FHIT: variants seen among roughly 807,000 people sequenced by gnomAD.
FHIT encodes the protein fragile histidine triad diadenosine triphosphatase.
Under a neutral mutation model 17.9 loss-of-function variants are expected in FHIT, and 19 were observed. That is an observed-to-expected ratio of 1.06 (90% CI 0.74 to 1.56). The LOEUF is 1.56. Ranked by LOEUF, FHIT falls within the 40% of genes most tolerant of loss-of-function variation. The probability of loss-of-function intolerance (pLI) is 0.00; values close to 1 mark genes in which losing one functional copy is unlikely to be tolerated. For missense variants in FHIT, 248 were observed against 189.2 expected, an observed-to-expected ratio of 1.31 and a Z score of -1.82; for synonymous variants, 81 against 69.7, an observed-to-expected ratio of 1.16 and a Z score of -0.81.
rs563602383 is a variant in FHIT at position 60,647,321 on chromosome 3, G to A, written c.-17-110342C>T. On this transcript the variant is annotated intron_variant, in intron 4 of 9. Transcript: ENST00000492590. The stretch of plus-strand genomic sequence containing the variant: ...AAAGTAACACAGAAAGTCATAATGG[G>A]GTGAGAGATTAGACTTTTCTCCAAA... Among the ~76,000 whole-genome samples the A allele has an allele frequency of 5.3e-5, 8 of 152,264 alleles. No homozygotes were observed. In the South Asian group the frequency reaches 1.7e-3, roughly 32 times the overall value.
At chr3:60,630,211 T>C (rs1367812433) in intron 4 of FHIT, among the ~76,000 whole-genome samples, 2 of 152,238 alleles carry the variant, frequency 1.3e-5, no homozygotes, top group African/African-American at 4.8e-5. Flanking sequence ...AAGTGTGTAC[T>C]CTGGTATCAT....
Position 60,780,364 on chromosome 3 carries a change from T to C in FHIT, c.-18+41555A>G, listed in dbSNP as rs1222022602. Among the ~76,000 whole-genome samples the C allele has an allele frequency of 2.6e-5, 4 of 152,288 alleles. No individual in the cohort carries two copies. In the South Asian group the frequency reaches 6.2e-4, roughly 24 times the overall value. On this transcript the variant is annotated intron_variant, in intron 4 of 9. Transcript: ENST00000492590. Reference sequence around the variant, plus strand: ...AAACCTTAAACTGGTTAGCTTAGGATTGGGCTCAGGGGAAGGGGACCCAGA... The same window carrying C: ...AAACCTTAAACTGGTTAGCTTAGGACTGGGCTCAGGGGAAGGGGACCCAGA...
At chr3:60,557,584 T>C (rs953585507) in intron 4 of FHIT, among the ~76,000 whole-genome samples, 1 of 151,792 alleles carries the variant, frequency 6.6e-6, no homozygotes, top group Non-Finnish European at 1.5e-5. Context: ...ACCCAGGCTC[T>C]CCTTAGCTCT....
intron 4 of FHIT, among the ~76,000 whole-genome samples, chr3:60,647,924 A>G (rs1446902441): frequency 6.6e-6 from 1 of 152,246 alleles, no homozygotes; most frequent in Non-Finnish European, 1.5e-5. Context: ...AATCAATGCA[A>G]TAATAGTGAC....
At chr3:61,054,508 T>C (rs1341333746) in intron 2 of FHIT, among the ~76,000 whole-genome samples, 1 of 152,224 alleles carries the variant, frequency 6.6e-6, no homozygotes, top group African/African-American at 2.4e-5. Context: ...TGATTCTTTA[T>C]ACACAGTAAC....
intron 7 of FHIT, among the ~76,000 whole-genome samples, chr3:59,940,759 C>T (rs192948106): frequency 5.3e-4 from 81 of 152,240 alleles, no homozygotes; most frequent in African/African-American, 1.9e-3. Flanking sequence ...CTTCAAAGGG[C>T]TTCTGAGAGG....
intron 5 of FHIT, among the ~76,000 whole-genome samples, chr3:60,454,384 CT>C (rs111674048): frequency 2.0e-3 from 294 of 144,028 alleles, no homozygotes; most frequent in East Asian, 2.6e-3. Context: ...TTTAACCAAA[CT>C]TTTTTTTTTT....
chr3:61,113,412 T>C (rs762557063), intron 2 of FHIT, among the ~76,000 whole-genome samples: 38 of 152,290 alleles, frequency 2.5e-4, no homozygotes, highest in Non-Finnish European at 4.7e-4. Flanking sequence ...AAAATCCAAA[T>C]ACTGACAAAA....
intron 3 of FHIT, among the ~76,000 whole-genome samples, chr3:61,031,670 A>G (rs115367258): frequency 0.036 from 5,483 of 152,300 alleles, 141 homozygotes; most frequent in Middle Eastern, 0.065. Flanking sequence ...GAATGTTGTT[A>G]TCTTGTAGGT....
At chr3:60,069,769 C>A (rs1423842599) in intron 5 of FHIT, among the ~76,000 whole-genome samples, 1 of 152,180 alleles carries the variant, frequency 6.6e-6, no homozygotes, top group Admixed American at 6.5e-5. Context: ...GAAGTTCCCT[C>A]AAACAGAATC....
chr3:60,544,104 T>A (rs2036281162), intron 4 of FHIT, among the ~76,000 whole-genome samples: 1 of 151,724 alleles, frequency 6.6e-6, no homozygotes, highest in Non-Finnish European at 1.5e-5. Context: ...ATAATGATAA[T>A]CATATCTTTC....
intron 7 of FHIT, among the ~76,000 whole-genome samples, chr3:59,933,464 T>C (rs1457488263): frequency 6.6e-6 from 1 of 152,132 alleles, no homozygotes; most frequent in South Asian, 2.1e-4. Context: ...AAATAGAAAC[T>C]GTTGTCTCCT....
At chr3:60,876,772 G>T (rs1013843933) in intron 3 of FHIT, among the ~76,000 whole-genome samples, 2 of 152,168 alleles carry the variant, frequency 1.3e-5, no homozygotes, top group African/African-American at 4.8e-5. Context: ...CCCTTCCACA[G>T]TGACAGCCAA....
intron 5 of FHIT, among the ~76,000 whole-genome samples, chr3:60,450,211 T>G (rs2031642816): frequency 7.1e-6 from 1 of 140,088 alleles, no homozygotes; most frequent in African/African-American, 3.3e-5. Context: ...ACACTAAATT[T>G]ATTAAAAAAT....
At chr3:60,828,814 G>T (rs1702215433) in intron 3 of FHIT, among the ~76,000 whole-genome samples, 1 of 152,162 alleles carries the variant, frequency 6.6e-6, no homozygotes, top group African/African-American at 2.4e-5. Flanking sequence ...GGAGGCAGAG[G>T]TTGCAGTGAG....
chr3:59,923,744 C>T (rs1301307343), intron 7 of FHIT, among the ~76,000 whole-genome samples: 2 of 152,086 alleles, frequency 1.3e-5, no homozygotes, highest in Non-Finnish European at 2.9e-5. Context: ...TTACTGCGAT[C>T]GGGTTCCGAG....
chr3:60,628,698 C>T (rs1264882132), intron 4 of FHIT, among the ~76,000 whole-genome samples: 1 of 152,090 alleles, frequency 6.6e-6, no homozygotes, highest in Non-Finnish European at 1.5e-5. Flanking sequence ...ATAGAGCTAC[C>T]AGCCTCCTTT....
intron 4 of FHIT, among the ~76,000 whole-genome samples, chr3:60,595,244 G>T (rs1559566640): frequency 6.6e-6 from 1 of 152,024 alleles, no homozygotes; most frequent in African/African-American, 2.4e-5. Context: ...CCAATTCAGG[G>T]GTCAGAGTGG....
At chr3:60,329,308 A>T (rs1709848136) in intron 5 of FHIT, among the ~76,000 whole-genome samples, 1 of 152,164 alleles carries the variant, frequency 6.6e-6, no homozygotes, top group Non-Finnish European at 1.5e-5. Context: ...ATTAGCTTTA[A>T]AAAACAGCTG....
Sources: gnomAD v4.1 joint callset for allele counts (sites outside exome capture counted in the v4.1 genomes callset) on GRCh38, gnomAD v4.1.1 for gene constraint, MANE v1.5 for transcripts, NCBI Gene and HGNC (gene_info 2026-07-23, HGNC 2026-07-21) for gene names.